The following ERC1 variants were observed in gnomAD, a reference collection of about 807,000 sequenced individuals.
ERC1 encodes the protein ELKS/RAB6-interacting/CAST family member 1, also known as RAB6 interacting protein 2.
ERC1 carries 56 observed loss-of-function variants against 132.0 expected under a neutral mutation model. The observed-to-expected ratio is 0.42, with a 90% confidence interval of 0.34 to 0.53. ERC1 has a LOEUF of 0.53. Among genes scored for constraint, ERC1 ranks in the 20% least tolerant of loss-of-function variants. ERC1 has a pLI of 0.03. For synonymous variants in ERC1, 478 were observed against 476.1 expected (o/e 1.00, Z -0.05); for missense variants, 1,202 against 1,349.9 (o/e 0.89, Z 1.72).
At chr12:1,360,849 A>G (rs1429948127) in intron 15 of ERC1, among the ~76,000 whole-genome samples, 1 of 152,118 alleles carries the variant, frequency 6.6e-6, no homozygotes, top group East Asian at 1.9e-4. Context: ...TTGGGAGGCC[A>G]AAGTGAGAGG....
chr12:994,066 C>CAAAAAAAAA lies in ERC1; in HGVS notation c.-157+2765_-157+2773dup, dbSNP rs72073964. On this transcript the variant is annotated intron_variant, in intron 1 of 18. Transcript: ENST00000360905. ...CCTGAGTCACGGCAAAACTCCGTCT[C>CAAAAAAAAA]AAAAAAAAAAAAAAAAAAAAAAAAA... 3.9e-3 allele frequency among the ~76,000 whole-genome samples: 251 copies of CAAAAAAAAA among 64,234 alleles called. 8 individuals are homozygous for CAAAAAAAAA. The highest frequency in any genetic ancestry group is 6.6e-3 in the African/African-American group (133 of 20,224). 42.1% of individuals were successfully genotyped at this position (64,234 alleles called of 152,430 possible). A position where few individuals can be genotyped will look rare whatever the true frequency, so the allele number is the denominator to read the frequency against.
Position 1,140,218 on chromosome 12 carries a change from T to C in ERC1, c.1570-1402T>C, listed in dbSNP as rs1949737268. Reference sequence around the variant, plus strand: ...TTACAGTAGTAGCAAGTACTTATTATAGCAGTCTCCAATGAGACTAGTCTT... The same window carrying C: ...TTACAGTAGTAGCAAGTACTTATTACAGCAGTCTCCAATGAGACTAGTCTT... On this transcript the variant is annotated intron_variant, in intron 7 of 18. Transcript: ENST00000360905. Among the ~76,000 whole-genome samples the C allele has an allele frequency of 2.0e-5, 3 of 152,304 alleles. No homozygotes were observed. The South Asian group carries it at 6.2e-4, about 32-fold the overall frequency.
chr12:1,302,455 A>G (rs1461498346), intron 15 of ERC1, among the ~76,000 whole-genome samples: 1 of 152,188 alleles, frequency 6.6e-6, no homozygotes, highest in Non-Finnish European at 1.5e-5. Flanking sequence ...CCCCTATTCA[A>G]TACTATATTG....
intron 15 of ERC1, among the ~76,000 whole-genome samples, chr12:1,313,680 A>C (rs2081477230): frequency 6.6e-6 from 1 of 151,786 alleles, no homozygotes; most frequent in Admixed American, 6.6e-5. Context: ...TGGAAGTATT[A>C]AATATTCTAA....
At chr12:1,066,701 G>A (rs1170007094) in intron 2 of ERC1, among the ~76,000 whole-genome samples, 2 of 152,066 alleles carry the variant, frequency 1.3e-5, no homozygotes, top group African/African-American at 4.8e-5. Flanking sequence ...TCCGGGTGTG[G>A]TGGTAGGTGC....
At chr12:1,337,436 T>C (rs1486634854) in intron 15 of ERC1, among the ~76,000 whole-genome samples, 5 of 152,174 alleles carry the variant, frequency 3.3e-5, no homozygotes, top group Non-Finnish European at 5.9e-5. Context: ...TGGGTGTCAT[T>C]GCATACGAAA....
In ERC1 at chr12:1,493,954, C is replaced by T. The variant is rs2094341127; in HGVS notation, c.*3724C>T. ...ACCCCAAAATATAAATGTTTCTGAG[C>T]CGCCCATCCACTGGCATTTGGATTT... On this transcript the variant is annotated 3_prime_UTR_variant, in exon 19 of 19. Transcript: ENST00000360905. 2 of 232,144 alleles carry T rather than the reference C, an allele frequency of 8.6e-6. No homozygotes were observed. The highest frequency in any genetic ancestry group is 1.8e-4 in the South Asian group (1 of 5,514). The allele number at this position is 232,144 out of a possible 1,614,324, so 14.4% of individuals were successfully genotyped here.
chr12:1,403,109 A>G (rs1007167882), intron 16 of ERC1, among the ~76,000 whole-genome samples: 9 of 152,230 alleles, frequency 5.9e-5, no homozygotes, highest in African/African-American at 2.2e-4. Context: ...AGAATAGACA[A>G]CTAACTCCTT....
chr12:1,479,185 C>T (rs996958108), intron 18 of ERC1, among the ~76,000 whole-genome samples: 1 of 152,040 alleles, frequency 6.6e-6, no homozygotes, highest in African/African-American at 2.4e-5. Context: ...GCATTGCTGC[C>T]GCCTTGCAGT....
intron 15 of ERC1, among the ~76,000 whole-genome samples, chr12:1,323,711 CTG>C (rs1323641783): frequency 6.6e-6 from 1 of 152,120 alleles, no homozygotes; most frequent in Non-Finnish European, 1.5e-5. Context: ...AGAAAATTAA[CTG>C]TGACCACATT....
chr12:1,026,578 G>T (rs2154149023), intron 1 of ERC1, among the ~76,000 whole-genome samples: 1 of 152,306 alleles, frequency 6.6e-6, no homozygotes, highest in South Asian at 2.1e-4. Context: ...ATACTTAGTG[G>T]ACATTATGTA....
chr12:1,121,106 A>T (rs1257238128), intron 7 of ERC1, among the ~76,000 whole-genome samples: 1 of 152,202 alleles, frequency 6.6e-6, no homozygotes, highest in Non-Finnish European at 1.5e-5. Flanking sequence ...TTCCCAGTTA[A>T]TTCTTAGAGT....
At chr12:1,186,982 C>T (rs905822562) in intron 11 of ERC1, among the ~76,000 whole-genome samples, 5 of 152,112 alleles carry the variant, frequency 3.3e-5, no homozygotes, top group Non-Finnish European at 7.4e-5. Context: ...AGGTGTGCAC[C>T]ACCACCCCTG....
At chr12:1,020,121 ATC>A (rs1425348896) in intron 1 of ERC1, among the ~76,000 whole-genome samples, 1 of 152,112 alleles carries the variant, frequency 6.6e-6, no homozygotes, top group Non-Finnish European at 1.5e-5. Context: ...AGACTGTATT[ATC>A]TCTTGCTGCT....
chr12:1,436,155 G>GACAC (rs139467911), intron 17 of ERC1, among the ~76,000 whole-genome samples: 1,902 of 148,714 alleles, frequency 0.013, 34 homozygotes, highest in African/African-American at 0.039. Flanking sequence ...CAGACAGACG[G>GACAC]ACACACACAC....
chr12:1,346,617 A>G (rs2084476494), intron 15 of ERC1, among the ~76,000 whole-genome samples: 1 of 152,204 alleles, frequency 6.6e-6, no homozygotes, highest in South Asian at 2.1e-4. Flanking sequence ...TGTATAGGAA[A>G]CAGCGTGTTG....
chr12:1,255,102 A>C (rs948842176), intron 13 of ERC1, among the ~76,000 whole-genome samples: 1 of 150,048 alleles, frequency 6.7e-6, no homozygotes, highest in South Asian at 2.1e-4. Flanking sequence ...CCAGCCCCAA[A>C]CCCCCCCAAC....
At chr12:1,108,303 A>G (rs865865366) in intron 4 of ERC1, among the ~76,000 whole-genome samples, 8 of 152,198 alleles carry the variant, frequency 5.3e-5, no homozygotes, top group Admixed American at 6.5e-5. Flanking sequence ...AAGTTAGATT[A>G]TATTTTTAAG....
chr12:1,107,421 G>A (rs1244368281), intron 4 of ERC1, among the ~76,000 whole-genome samples: 1 of 152,152 alleles, frequency 6.6e-6, no homozygotes, highest in Admixed American at 6.5e-5. Context: ...TGGACTGACA[G>A]GTTGGGAGAA....
Sources: gnomAD v4.1 joint callset for allele counts (sites outside exome capture counted in the v4.1 genomes callset) on GRCh38, gnomAD v4.1.1 for gene constraint, MANE v1.5 for transcripts, NCBI Gene and HGNC (gene_info 2026-07-23, HGNC 2026-07-21) for gene names.